The following TEX9 variants were observed in gnomAD, a reference collection of about 807,000 sequenced individuals.
TEX9 encodes testis expressed 9.
In TEX9, 74 loss-of-function variants were observed where a neutral mutation model predicts 59.6. The observed-to-expected ratio is 1.24, with a 90% CI of 1.03 to 1.51. The LOEUF (loss-of-function observed/expected upper bound fraction) is 1.51, where lower values mean the gene tolerates loss of function less well. TEX9 is among the 40% of genes most tolerant of loss of function. The pLI, the probability that TEX9 is intolerant of heterozygous loss-of-function variation, is 0.00. For synonymous variants in TEX9, 186 were observed against 152.2 expected (o/e 1.22, Z -1.64); for missense variants, 522 against 447.8 (o/e 1.17, Z -1.49).
At chr15:56,311,703 C>A (rs1176942267) in intron 1 of TEX9, among the ~76,000 whole-genome samples, 52 of 142,120 alleles carry the variant, frequency 3.7e-4, no homozygotes, top group African/African-American at 1.3e-3. Context: ...GTTCTAGATC[C>A]CTGAGGAATC....
At chr15:56,294,235 C>T (rs1161611108) in intron 1 of TEX9, among the ~76,000 whole-genome samples, 2 of 152,156 alleles carry the variant, frequency 1.3e-5, no homozygotes, top group African/African-American at 4.8e-5. Context: ...TTTCTAAGAC[C>T]CGTTATCTGC....
chr15:56,278,763 T>C (rs1451940883), intron 1 of TEX9, among the ~76,000 whole-genome samples: 3 of 151,924 alleles, frequency 2.0e-5, no homozygotes, highest in Admixed American at 2.0e-4. Flanking sequence ...TCCTCAAAAA[T>C]TCAGTCTGTC....
chr15:56,271,329 C>G (rs1385873093), intron 1 of TEX9, among the ~76,000 whole-genome samples: 1 of 152,102 alleles, frequency 6.6e-6, no homozygotes, highest in African/African-American at 2.4e-5. Flanking sequence ...AGGCTTTGTT[C>G]GTTTCTTTTT....
chr15:56,396,981 A>G (rs2048512878), intron 9 of TEX9: 1 of 152,246 alleles, frequency 6.6e-6, no homozygotes, highest in South Asian at 2.1e-4. Context: ...TACTGAAAAG[A>G]TACCAAAAAG....
chr15:56,324,181 C>CA (rs34168091), intron 1 of TEX9, among the ~76,000 whole-genome samples: 71,387 of 147,200 alleles, frequency 0.48, 18,182 homozygotes, highest in Non-Finnish European at 0.6. Context: ...TCTGTAATTG[C>CA]AAAAAAAAAA....
intron 1 of TEX9, among the ~76,000 whole-genome samples, chr15:56,282,216 T>C (rs761841163): frequency 2.6e-5 from 4 of 152,224 alleles, no homozygotes; most frequent in Non-Finnish European, 5.9e-5. Flanking sequence ...TAGAAAATTA[T>C]TTGTATTTCT....
At chr15:56,365,820 C>A in intron 2 of TEX9, 150 bp downstream of exon 2, 1 of 1,446,508 alleles carries the variant, frequency 6.9e-7, no homozygotes, top group Admixed American at 2.8e-5. Context: ...GCCGTTTATC[C>A]TTTCTTTGTC....
In TEX9 at chr15:56,389,295, T is replaced by C. The variant is rs780216497; in HGVS notation, c.313-23T>C. ...AAATGATTAGACTCTAATTAGTCAA[T>C]ACTTTCAATTCTTTTCATGTAGCCA... On this transcript the variant is annotated intron_variant, in intron 5 of 12. Coordinates refer to ENST00000352903, the Ensembl canonical transcript of TEX9. The C allele has an allele frequency of 3.2e-6, 5 of 1,581,466 alleles. No individual in the cohort carries two copies. In the African/African-American group the frequency reaches 6.8e-5, roughly 21 times the overall value.
intron 1 of TEX9, among the ~76,000 whole-genome samples, chr15:56,290,665 G>A (rs1250672073): frequency 6.6e-6 from 1 of 152,102 alleles, no homozygotes; most frequent in African/African-American, 2.4e-5. Context: ...ATGTTGCCCA[G>A]GGTGGTCTTG....
Position 56,376,955 on chromosome 15 carries a change from T to G in TEX9, c.183+3451T>G, listed in dbSNP as rs561744708. On this transcript the variant is annotated intron_variant, in intron 3 of 12. Coordinates refer to ENST00000352903, the Ensembl canonical transcript of TEX9. ...TATGGCAAGAGGTAGGGGTCTAGTC[T>G]TCTTCTTCTGCATGTGGATATTCCG... 7.2e-5 allele frequency among the ~76,000 whole-genome samples: 11 copies of G among 152,332 alleles called. No homozygotes were observed. In the South Asian group the frequency reaches 1.7e-3, roughly 23 times the overall value.
At chr15:56,357,045 G>A (rs1001660614) in intron 1 of TEX9, among the ~76,000 whole-genome samples, 2 of 152,068 alleles carry the variant, frequency 1.3e-5, no homozygotes, top group East Asian at 1.9e-4. Context: ...GTCATCCTCA[G>A]GCTCACTGTT....
At chr15:56,369,974 C>CA (rs71297631) in intron 2 of TEX9, among the ~76,000 whole-genome samples, 5 of 151,436 alleles carry the variant, frequency 3.3e-5, no homozygotes, top group Admixed American at 6.6e-5. Context: ...TATGCAGTGT[C>CA]TATCTTTCTT....
chr15:56,263,466 G>A (rs1454785304), intron 1 of TEX9, among the ~76,000 whole-genome samples: 1 of 151,926 alleles, frequency 6.6e-6, no homozygotes, highest in Admixed American at 6.6e-5. Flanking sequence ...TCTCTCATCT[G>A]TTCTTTTTCC....
chr15:56,459,808 T>C, the TEX9 span, among the ~76,000 whole-genome samples: 1 of 150,004 alleles, frequency 6.7e-6, no homozygotes, highest in Non-Finnish European at 1.5e-5. Flanking sequence ...CTGACCAACG[T>C]GGAGAAACCC....
At chr15:56,390,715 ATGT>A (rs1406742830) in intron 6 of TEX9, among the ~76,000 whole-genome samples, 17 of 151,930 alleles carry the variant, frequency 1.1e-4, no homozygotes, top group South Asian at 6.2e-4. Flanking sequence ...GGTGGAAAAA[ATGT>A]TGTTTGATTG....
intron 10 of TEX9, among the ~76,000 whole-genome samples, chr15:56,425,335 T>C (rs981503605): frequency 6.6e-6 from 1 of 152,172 alleles, no homozygotes; most frequent in Admixed American, 6.6e-5. Flanking sequence ...TCCTTTTCTA[T>C]CTAAGATTAC....
chr15:56,345,571 T>C (rs12443139), intron 1 of TEX9, among the ~76,000 whole-genome samples: 6,684 of 152,246 alleles, frequency 0.044, 221 homozygotes, highest in Admixed American at 0.086. Flanking sequence ...ACTACAGGCA[T>C]GTGCCACTGC....
At chr15:56,398,299 G>T (rs1217289088) in intron 9 of TEX9, 1 of 151,270 alleles carries the variant, frequency 6.6e-6, no homozygotes, top group South Asian at 2.1e-4. Flanking sequence ...AATATATTAG[G>T]TTAAGTGAAA....
chr15:56,418,776 A>G (rs536578425), intron 10 of TEX9, among the ~76,000 whole-genome samples: 1 of 152,154 alleles, frequency 6.6e-6, no homozygotes, highest in Admixed American at 6.5e-5. Flanking sequence ...TAGATAATCT[A>G]TCAAAGCTAA....
Sources: gnomAD v4.1 joint callset for allele counts (sites outside exome capture counted in the v4.1 genomes callset) on GRCh38, gnomAD v4.1.1 for gene constraint, MANE v1.5 for transcripts, NCBI Gene and HGNC (gene_info 2026-07-23, HGNC 2026-07-21) for gene names.